Variants in CDH13 observed in about 807,000 individuals in gnomAD.
The protein encoded by CDH13 is cadherin 13, also known as cadherin-13.
Under a neutral mutation model 63.8 loss-of-function variants are expected in CDH13, and 24 were observed. That is an observed-to-expected ratio of 0.38 (90% CI 0.27 to 0.53). The LOEUF is 0.53. Among genes scored for constraint, CDH13 ranks in the 20% least tolerant of loss-of-function variants. The probability of loss-of-function intolerance (pLI) is 0.85; values close to 1 mark genes in which losing one functional copy is unlikely to be tolerated. For synonymous variants in CDH13, 503 were observed against 355.3 expected (o/e 1.42, Z -4.67); for missense variants, 1,049 against 903.1 (o/e 1.16, Z -2.07).
chr16:82,957,015 A>C lies in CDH13; in HGVS notation c.158-74995A>C, dbSNP rs111338043. ...TAAATCTATCTGAGAGATGTGTAGG[A>C]AGCTGAATCTTTAAAACCTGGCTTC... On this transcript the variant is annotated intron_variant, in intron 2 of 13. Coordinates refer to ENST00000567109, the MANE Select transcript of CDH13 (RefSeq NM_001257.5). Among the ~76,000 whole-genome samples the C allele has an allele frequency of 3.3e-3, 498 of 152,234 alleles. 2 individuals are homozygous for C. Among genetic ancestry groups the C allele is most frequent in the African/African-American group, 0.011 (462 of 41,544 alleles).
chr16:82,815,885 C>G (rs976232693), intron 1 of CDH13, among the ~76,000 whole-genome samples: 1 of 152,206 alleles, frequency 6.6e-6, no homozygotes, highest in African/African-American at 2.4e-5. Flanking sequence ...CCACAGATGA[C>G]TGTTGGGGAA....
chr16:83,636,335 A>G (rs1911262983), intron 8 of CDH13, among the ~76,000 whole-genome samples: 1 of 152,172 alleles, frequency 6.6e-6, no homozygotes, highest in Non-Finnish European at 1.5e-5. Context: ...GATTGCAGGA[A>G]TACATGTGCA....
intron 4 of CDH13, among the ~76,000 whole-genome samples, chr16:83,161,402 T>C (rs72800244): frequency 0.16 from 24,747 of 152,142 alleles, 2,078 homozygotes; most frequent in South Asian, 0.21. Flanking sequence ...AGATTTTTGT[T>C]GTTTTTAAAT....
intron 6 of CDH13, among the ~76,000 whole-genome samples, chr16:83,347,516 A>C (rs2090865214): frequency 6.6e-6 from 1 of 152,210 alleles, no homozygotes; most frequent in African/African-American, 2.4e-5. Flanking sequence ...GAACACAGCC[A>C]TCAGGTATCA....
At chr16:83,073,290 A>C (rs986267531) in intron 3 of CDH13, among the ~76,000 whole-genome samples, 1 of 150,906 alleles carries the variant, frequency 6.6e-6, no homozygotes, top group African/African-American at 2.4e-5. Flanking sequence ...ACTCAGCATC[A>C]AGGAATGGGC....
intron 4 of CDH13, among the ~76,000 whole-genome samples, chr16:83,169,688 C>A (rs1567471547): frequency 6.6e-6 from 1 of 151,968 alleles, no homozygotes; most frequent in South Asian, 2.1e-4. Flanking sequence ...GGATATTAAT[C>A]TCTTGCCTGT....
intron 3 of CDH13, among the ~76,000 whole-genome samples, chr16:83,092,748 C>T (rs1214132188): frequency 1.3e-5 from 2 of 152,116 alleles, no homozygotes; most frequent in Non-Finnish European, 2.9e-5. Context: ...TATTATTACC[C>T]CAAAGAGTAG....
chr16:82,968,542 A>T (rs373713492), intron 2 of CDH13, among the ~76,000 whole-genome samples: 2 of 152,278 alleles, frequency 1.3e-5, no homozygotes, highest in Admixed American at 6.5e-5. Flanking sequence ...TGAACACTTC[A>T]TGCTTTTTGG....
At chr16:83,758,857 A>T (rs7202177) in intron 11 of CDH13, among the ~76,000 whole-genome samples, 1 of 152,226 alleles carries the variant, frequency 6.6e-6, no homozygotes, top group Non-Finnish European at 1.5e-5. Flanking sequence ...ACTACAAATG[A>T]CTGCCTAAGA....
At chr16:83,336,823 G>T (rs1203241086) in intron 5 of CDH13, among the ~76,000 whole-genome samples, 2 of 152,208 alleles carry the variant, frequency 1.3e-5, no homozygotes, top group Non-Finnish European at 2.9e-5. Context: ...GATTTTGCAT[G>T]TGTTGCTTGG....
In CDH13 at chr16:83,081,729, G is replaced by T. The variant is rs187934550; in HGVS notation, c.367-43656G>T. 5.9e-5 allele frequency among the ~76,000 whole-genome samples: 9 copies of T among 152,102 alleles called. No individual in the cohort carries two copies. The East Asian group carries it at 1.6e-3, about 26-fold the overall frequency. ...AGAAAGAGAGAGAGAGAAAGAGCTCGCAAGGATCATCTCCTTAGAATGGTA... is the reference window on the plus strand; with the variant it reads ...AGAAAGAGAGAGAGAGAAAGAGCTCTCAAGGATCATCTCCTTAGAATGGTA... On this transcript the variant is annotated intron_variant, in intron 3 of 13. Transcript: ENST00000567109.
chr16:82,858,658 G>C, intron 2 of CDH13, 185 bp downstream of exon 2: 2 of 640,024 alleles, frequency 3.1e-6, no homozygotes, highest in Non-Finnish European at 5.6e-6. Context: ...GAGGTTAATA[G>C]AGTGATATGC....
chr16:83,391,792 C>G (rs2091791756), intron 6 of CDH13, among the ~76,000 whole-genome samples: 1 of 152,116 alleles, frequency 6.6e-6, no homozygotes, highest in Non-Finnish European at 1.5e-5. Context: ...CTGAACCAAA[C>G]AAAAAACAAG....
At chr16:82,886,101 T>A (rs910068160) in intron 2 of CDH13, among the ~76,000 whole-genome samples, 1 of 152,244 alleles carries the variant, frequency 6.6e-6, no homozygotes, top group African/African-American at 2.4e-5. Context: ...TCCATCTGTT[T>A]CATCAGCTCA....
intron 4 of CDH13, among the ~76,000 whole-genome samples, chr16:83,152,288 A>G (rs898891935): frequency 1.3e-5 from 2 of 152,236 alleles, no homozygotes; most frequent in Non-Finnish European, 2.9e-5. Context: ...GAAGTCATTA[A>G]TTAAATAATA....
intron 5 of CDH13, among the ~76,000 whole-genome samples, chr16:83,317,302 C>G (rs1016342440): frequency 2.0e-5 from 3 of 152,186 alleles, no homozygotes; most frequent in Admixed American, 6.5e-5. Context: ...CTGTTGAAAG[C>G]CTTTGCTGGT....
chr16:82,948,910 T>C (rs1004903446), intron 2 of CDH13, among the ~76,000 whole-genome samples: 5 of 152,234 alleles, frequency 3.3e-5, no homozygotes, highest in African/African-American at 1.2e-4. Flanking sequence ...TTACTTACTT[T>C]CGTGATATAT....
intron 1 of CDH13, among the ~76,000 whole-genome samples, chr16:82,771,739 C>T (rs181135074): frequency 2.0e-5 from 3 of 152,150 alleles, no homozygotes; most frequent in Non-Finnish European, 4.4e-5. Context: ...AGTGATGTAT[C>T]GGAAAGGTTG....
At chr16:83,512,268 C>T (rs979701278) in intron 7 of CDH13, among the ~76,000 whole-genome samples, 2 of 150,430 alleles carry the variant, frequency 1.3e-5, no homozygotes, top group Non-Finnish European at 2.9e-5. Flanking sequence ...TTGCAGTGAG[C>T]GGAGATTGCA....
Sources: gnomAD v4.1 joint callset for allele counts (sites outside exome capture counted in the v4.1 genomes callset) on GRCh38, gnomAD v4.1.1 for gene constraint, MANE v1.5 for transcripts, NCBI Gene and HGNC (gene_info 2026-07-23, HGNC 2026-07-21) for gene names.